PDE4D: variants seen among roughly 807,000 people sequenced by gnomAD.
The protein encoded by PDE4D is phosphodiesterase 4D, also known as 3',5'-cyclic-AMP phosphodiesterase 4D.
In PDE4D, 24 loss-of-function variants were observed where a neutral mutation model predicts 87.4. The ratio of observed to expected loss-of-function variants is 0.27; its 90% CI spans 0.20 to 0.39. The LOEUF (loss-of-function observed/expected upper bound fraction) is 0.39, where lower values mean the gene tolerates loss of function less well. Ranked by LOEUF, PDE4D falls within the 10% of genes least tolerant of loss-of-function variation. The probability of loss-of-function intolerance (pLI) is 1.00; values close to 1 mark genes in which losing one functional copy is unlikely to be tolerated. For synonymous variants in PDE4D, 384 were observed against 383.2 expected, an observed-to-expected ratio of 1.00 and a Z score of -0.02; for missense variants, 714 against 1,041.0, an observed-to-expected ratio of 0.69 and a Z score of 4.32.
intron 1 of PDE4D, among the ~76,000 whole-genome samples, chr5:60,473,762 T>A (rs1748042504): frequency 6.6e-6 from 1 of 151,740 alleles, no homozygotes; most frequent in Non-Finnish European, 1.5e-5. Flanking sequence ...TACTACCATA[T>A]GCTTTCACCT....
chr5:59,874,902 A>T (rs899092105), intron 1 of PDE4D, among the ~76,000 whole-genome samples: 58 of 152,334 alleles, frequency 3.8e-4, no homozygotes, highest in African/African-American at 1.3e-3. Flanking sequence ...GAGTCATTAA[A>T]GAGAAATTCT....
At chr5:60,091,778 C>T (rs891455264) in intron 2 of PDE4D, among the ~76,000 whole-genome samples, 7 of 152,092 alleles carry the variant, frequency 4.6e-5, no homozygotes, top group African/African-American at 4.8e-5. Flanking sequence ...GTGGGCCGGG[C>T]GCGGTGGCTC....
chr5:59,880,071 C>T (rs1749215178), intron 1 of PDE4D, among the ~76,000 whole-genome samples: 1 of 152,002 alleles, frequency 6.6e-6, no homozygotes, highest in African/African-American at 2.4e-5. Context: ...CCCACTATGT[C>T]CTCATTATCT....
intron 1 of PDE4D, among the ~76,000 whole-genome samples, chr5:59,622,331 T>C (rs1830437598): frequency 6.6e-6 from 1 of 152,202 alleles, no homozygotes; most frequent in Non-Finnish European, 1.5e-5. Flanking sequence ...TTAAAAGGTC[T>C]TAATTCTAAT....
At chr5:59,802,230 T>C (rs1767213306) in intron 1 of PDE4D, among the ~76,000 whole-genome samples, 1 of 131,206 alleles carries the variant, frequency 7.6e-6, no homozygotes, top group South Asian at 2.3e-4. Flanking sequence ...TTTGTTTTGT[T>C]TTTGTTTTCA....
intron 3 of PDE4D, among the ~76,000 whole-genome samples, chr5:59,974,864 T>C (rs1434530671): frequency 6.6e-6 from 1 of 152,078 alleles, no homozygotes; most frequent in Non-Finnish European, 1.5e-5. Flanking sequence ...CTGGATCCCT[T>C]TTCCCATGGC....
intron 1 of PDE4D, among the ~76,000 whole-genome samples, chr5:59,570,579 T>C (rs1039489322): frequency 5.9e-5 from 9 of 152,146 alleles, no homozygotes; most frequent in Admixed American, 2.6e-4. Context: ...CTATATCAAT[T>C]CTACTGATCA....
chr5:59,923,709 G>A (rs1754942822), intron 3 of PDE4D, among the ~76,000 whole-genome samples: 4 of 152,196 alleles, frequency 2.6e-5, no homozygotes, highest in Admixed American at 6.5e-5. Flanking sequence ...CAAAAACTTA[G>A]ATCACAATAT....
At chr5:59,013,217 C>A (rs1753207323) in intron 6 of PDE4D, among the ~76,000 whole-genome samples, 1 of 152,100 alleles carries the variant, frequency 6.6e-6, no homozygotes, top group Admixed American at 6.6e-5. Flanking sequence ...AAAATTGACA[C>A]CCTAACATCA....
At chr5:60,049,251 C>G (rs559274940) in intron 2 of PDE4D, among the ~76,000 whole-genome samples, 1 of 152,260 alleles carries the variant, frequency 6.6e-6, no homozygotes, top group South Asian at 2.1e-4. Flanking sequence ...ATTGGTTATT[C>G]TAGTTATACA....
rs549162140 is a variant in PDE4D, at chr5:59,974,836, A to G, written c.272+13652T>C. Among the ~76,000 whole-genome samples, 7 of 152,082 alleles carry G rather than the reference A, an allele frequency of 4.6e-5. No individual in the cohort carries two copies. The South Asian group carries it at 1.5e-3, about 32-fold the overall frequency. Reference sequence around the variant, plus strand: ...ATCCTCCCATTCTCATTCTTTCCATATTATTCAATCAGTTTCTCTGGATCC... The same window carrying G: ...ATCCTCCCATTCTCATTCTTTCCATGTTATTCAATCAGTTTCTCTGGATCC... On this transcript the variant is annotated intron_variant, in intron 3 of 16. Coordinates refer to the PDE4D transcript ENST00000502484.
intron 6 of PDE4D, among the ~76,000 whole-genome samples, chr5:59,012,792 A>C (rs1753099026): frequency 1.3e-5 from 2 of 152,356 alleles, no homozygotes; most frequent in South Asian, 4.1e-4. Flanking sequence ...TCAGCTCTGC[A>C]ACAAGCGGAC....
chr5:59,073,027 A>G (rs1007599080), intron 5 of PDE4D, among the ~76,000 whole-genome samples: 28 of 152,254 alleles, frequency 1.8e-4, no homozygotes, highest in Admixed American at 2.6e-4. Context: ...CATTTAAATA[A>G]TGTAAAGAAA....
intron 1 of PDE4D, among the ~76,000 whole-genome samples, chr5:60,202,794 T>C (rs1362926665): frequency 3.3e-5 from 5 of 152,108 alleles, no homozygotes; most frequent in Admixed American, 2.0e-4. Context: ...AAATACAGTT[T>C]TGAGGCACTC....
chr5:60,490,220 A>T (rs1749456710), upstream of PDE4D: 1 of 152,178 alleles, frequency 6.6e-6, no homozygotes, highest in Non-Finnish European at 1.5e-5. Context: ...TTTCTAAAAG[A>T]CCAGCACTGC....
intron 1 of PDE4D, among the ~76,000 whole-genome samples, chr5:59,681,016 A>G (rs1365102605): frequency 6.6e-6 from 1 of 152,118 alleles, no homozygotes; most frequent in Non-Finnish European, 1.5e-5. Context: ...CCCCCTAGAT[A>G]TGTCTACTAA....
intron 1 of PDE4D, among the ~76,000 whole-genome samples, chr5:59,308,137 C>T (rs1294946477): frequency 6.0e-5 from 9 of 150,438 alleles, no homozygotes; most frequent in Non-Finnish European, 1.0e-4. Context: ...CGCATGTTCT[C>T]ACTCATAGGT....
intron 1 of PDE4D, among the ~76,000 whole-genome samples, chr5:59,769,057 A>G (rs1163145901): frequency 6.7e-6 from 1 of 150,212 alleles, no homozygotes; most frequent in Non-Finnish European, 1.5e-5. Context: ...AAAAATGCCA[A>G]TCCTTTGTTT....
chr5:60,500,696 C>A (rs1316425912), intron 1 of PDE4D, among the ~76,000 whole-genome samples: 1 of 152,216 alleles, frequency 6.6e-6, no homozygotes, highest in Non-Finnish European at 1.5e-5. Context: ...AGCTGCATGA[C>A]TTCAGGCAGC....
Sources: allele counts gnomAD v4.1 joint callset (sites outside exome capture counted in the v4.1 genomes callset), GRCh38; gene constraint gnomAD v4.1.1; transcripts MANE v1.5; gene names NCBI Gene and HGNC (gene_info 2026-07-23, HGNC 2026-07-21).